BLK: variants seen among roughly 807,000 people sequenced by gnomAD.
The protein encoded by BLK is BLK proto-oncogene, Src family tyrosine kinase.
BLK carries 64 observed loss-of-function variants against 61.8 expected under a neutral mutation model. The observed-to-expected ratio is 1.03, with a 90% confidence interval of 0.85 to 1.27. The LOEUF (loss-of-function observed/expected upper bound fraction) is 1.27, where lower values mean the gene tolerates loss of function less well. Ranked by LOEUF, BLK falls within the 50% of genes most tolerant of loss-of-function variation. The probability of loss-of-function intolerance (pLI) is 0.00; values close to 1 mark genes in which losing one functional copy is unlikely to be tolerated. For missense variants in BLK, 853 were observed against 660.5 expected, an observed-to-expected ratio of 1.29 and a Z score of -3.19; for synonymous variants, 351 against 272.0, an observed-to-expected ratio of 1.29 and a Z score of -2.86.
At chr8:11,551,131 T>G (rs1415982872) in intron 6 of BLK, among the ~76,000 whole-genome samples, 1 of 152,148 alleles carries the variant, frequency 6.6e-6, no homozygotes, top group Non-Finnish European at 1.5e-5. Context: ...GTAGATAGAA[T>G]CACTGTTTTT....
intron 1 of BLK, among the ~76,000 whole-genome samples, chr8:11,506,870 C>T (rs1798789380): frequency 6.6e-6 from 1 of 152,184 alleles, no homozygotes; most frequent in Admixed American, 6.5e-5. Context: ...GACGCGGTTG[C>T]CCAAACTGAC....
At chr8:11,514,323 G>T (rs1457941618) in intron 1 of BLK, among the ~76,000 whole-genome samples, 4 of 152,222 alleles carry the variant, frequency 2.6e-5, no homozygotes, top group Admixed American at 1.3e-4. Context: ...AAACCCACTT[G>T]TCCTTTGCGA....
At chr8:11,499,582 T>A (rs1227814489) in intron 1 of BLK, among the ~76,000 whole-genome samples, 1 of 152,092 alleles carries the variant, frequency 6.6e-6, no homozygotes, top group Non-Finnish European at 1.5e-5. Context: ...AAACTCACAG[T>A]GGAATTTATT....
At chr8:11,537,091 G>C (rs1331848987) in intron 1 of BLK, among the ~76,000 whole-genome samples, 2 of 152,192 alleles carry the variant, frequency 1.3e-5, no homozygotes, top group African/African-American at 2.4e-5. Context: ...CATGTGGAGA[G>C]GTCAGTATTA....
chr8:11,500,006 A>T (rs956755182), intron 1 of BLK, among the ~76,000 whole-genome samples: 1 of 152,200 alleles, frequency 6.6e-6, no homozygotes, highest in Admixed American at 6.5e-5. Flanking sequence ...GCAGGACAGC[A>T]TTTCTGAAAG....
rs1472175114 is a variant in BLK at position 11,494,510 on chromosome 8, C to T, written c.-83C>T. 4 of 152,234 alleles carry T rather than the reference C, an allele frequency of 2.6e-5. No homozygotes were observed. The highest frequency in any genetic ancestry group is 6.5e-5 in the Admixed American group (1 of 15,284). 9.4% of individuals were successfully genotyped at this position (152,234 alleles called of 1,614,324 possible). ...CTTTAGGATGGTGTTGGAAGTTGCT[C>T]GTTGTCGCTAGGAGCCTGCTCCACT... On this transcript the variant is annotated 5_prime_UTR_variant, in exon 1 of 13. Coordinates refer to ENST00000259089, the MANE Select transcript of BLK (RefSeq NM_001715.3).
At chr8:11,525,277 T>A (rs150058739) in intron 1 of BLK, among the ~76,000 whole-genome samples, 35 of 152,366 alleles carry the variant, frequency 2.3e-4, no homozygotes, top group Non-Finnish European at 5.1e-4. Flanking sequence ...TTACTTTCTG[T>A]TTAACCCAAA....
chr8:11,513,689 C>A (rs1438297212), intron 1 of BLK, among the ~76,000 whole-genome samples: 1 of 152,206 alleles, frequency 6.6e-6, no homozygotes, highest in Non-Finnish European at 1.5e-5. Flanking sequence ...TCCAGGGAGG[C>A]CTTTGAGGCA....
intron 1 of BLK, among the ~76,000 whole-genome samples, chr8:11,536,107 G>A (rs2117404901): frequency 6.6e-6 from 1 of 152,212 alleles, no homozygotes; most frequent in Non-Finnish European, 1.5e-5. Context: ...TTCAATGGCT[G>A]GATGGTTAGA....
rs1563127637 is a variant in BLK, at chr8:11,563,123, C to A, written c.1312+13C>A. 3.1e-6 allele frequency: 5 copies of A among 1,613,444 alleles called. No individual in the cohort carries two copies. The South Asian group carries it at 3.3e-5, about 11-fold the overall frequency. Reference sequence around the variant, plus strand: ...GTGCCATACCCAGGTAGGTGGCTCACCCCGCAGCTCGCGGCTCCCTGCTTT... The same window carrying A: ...GTGCCATACCCAGGTAGGTGGCTCAACCCGCAGCTCGCGGCTCCCTGCTTT... On this transcript the variant is annotated intron_variant, in intron 12 of 12. Coordinates refer to ENST00000259089, the MANE Select transcript of BLK (RefSeq NM_001715.3).
In BLK at chr8:11,557,337, C is replaced by T. The variant is rs545822606; in HGVS notation, c.952+500C>T. The stretch of plus-strand genomic sequence containing the variant: ...TTTCTCACCCTCCTATGACCCTGAC[C>T]GCACACTGCTCCTATAGGATCCTAA... On this transcript the variant is annotated intron_variant, in intron 9 of 12. Transcript: ENST00000259089. 1.4e-4 allele frequency among the ~76,000 whole-genome samples: 21 copies of T among 152,326 alleles called. No individual in the cohort carries two copies. The South Asian group carries it at 3.3e-3, about 24-fold the overall frequency.
At chr8:11,560,382 GATGGATGGATGC>G (rs1017956930) in intron 10 of BLK, 2 of 203,714 alleles carry the variant, frequency 9.8e-6, no homozygotes, top group African/African-American at 5.6e-5. Context: ...TGGGTGGGTG[GATGGATGGATGC>G]ATGGATGGAT....
intron 8 of BLK, chr8:11,556,353 T>TAGGGG: frequency 2.3e-6 from 1 of 438,502 alleles, no homozygotes; most frequent in South Asian, 2.1e-5. Context: ...ACTCATTATG[T>TAGGGG]AGGGGAGGGG....
chr8:11,529,718 T>C (rs1799811615), intron 1 of BLK, among the ~76,000 whole-genome samples: 1 of 152,212 alleles, frequency 6.6e-6, no homozygotes, highest in Non-Finnish European at 1.5e-5. Context: ...AAACTATAAA[T>C]TAACTTCTTC....
At chr8:11,536,639 C>T (rs1210819631) in intron 1 of BLK, among the ~76,000 whole-genome samples, 1 of 152,156 alleles carries the variant, frequency 6.6e-6, no homozygotes. Flanking sequence ...AACCCCTGAC[C>T]TCAAATGATC....
At chr8:11,530,019 T>G (rs945508134) in intron 1 of BLK, among the ~76,000 whole-genome samples, 1 of 152,300 alleles carries the variant, frequency 6.6e-6, no homozygotes, top group East Asian at 1.9e-4. Context: ...TGAAACATAA[T>G]TTTTCTCTCT....
intron 12 of BLK, 116 bp downstream of exon 12, chr8:11,563,226 C>A (rs1046083572): frequency 6.8e-7 from 1 of 1,461,024 alleles, no homozygotes; most frequent in Non-Finnish European, 9.3e-7. Flanking sequence ...AGTCCCAGAG[C>A]GAAGACGGAG....
chr8:11,509,655 A>C (rs1487999385), intron 1 of BLK: 1 of 152,180 alleles, frequency 6.6e-6, no homozygotes, highest in Non-Finnish European at 1.5e-5. Flanking sequence ...CCACAGAAAG[A>C]GCTGGACCAC....
chr8:11,554,902 G>A lies in BLK; in HGVS notation c.619+13G>A, dbSNP rs569500521. ...CAGCACTATTCTAGTAAGAGGGGGC[G>A]TGCAATGGGGGCAGGGACTTGTGCC... is the stretch of plus-strand genomic sequence containing the variant. On this transcript the variant is annotated intron_variant, in intron 7 of 12. Transcript: ENST00000259089. 3.2e-5 allele frequency: 52 copies of A among 1,610,916 alleles called. No individual in the cohort carries two copies. Among genetic ancestry groups the A allele is most frequent in the African/African-American group, 5.3e-5 (4 of 74,998 alleles).
Sources: allele counts gnomAD v4.1 joint callset (sites outside exome capture counted in the v4.1 genomes callset), GRCh38; gene constraint gnomAD v4.1.1; transcripts MANE v1.5; gene names NCBI Gene and HGNC (gene_info 2026-07-23, HGNC 2026-07-21).